Variants in CACNA1C observed in about 807,000 individuals in gnomAD.
CACNA1C encodes the protein voltage-dependent L-type calcium channel subunit alpha-1C.
In CACNA1C, 30 loss-of-function variants were observed where a neutral mutation model predicts 229.0. The observed-to-expected ratio is 0.13, with a 90% confidence interval of 0.10 to 0.18. The LOEUF (loss-of-function observed/expected upper bound fraction) is 0.18. CACNA1C is among the 10% of genes least tolerant of loss of function. The pLI, the probability that CACNA1C is intolerant of heterozygous loss-of-function variation, is 1.00. For missense variants in CACNA1C, 1,658 were observed against 2,845.0 expected, an observed-to-expected ratio of 0.58 and a Z score of 9.49; for synonymous variants, 1,114 against 1,132.5, an observed-to-expected ratio of 0.98 and a Z score of 0.33.
At chr12:2,010,661 C>T (rs973157825) in intron 1 of CACNA1C, among the ~76,000 whole-genome samples, 1 of 152,150 alleles carries the variant, frequency 6.6e-6, no homozygotes, top group Admixed American at 6.5e-5. Context: ...TAGAGGATCT[C>T]TACAATAGCT....
In CACNA1C at chr12:2,665,532, G is replaced by A. The variant is rs765303307; in HGVS notation, c.4399-49G>A. On this transcript the variant is annotated intron_variant, in intron 35 of 46. Coordinates refer to ENST00000399655, the MANE Select transcript of CACNA1C (RefSeq NM_000719.7). The surrounding 1 kb of genome is among the most constrained non-coding windows in gnomAD (Gnocchi z 5.9). ...GCTGGCAAGGGGGTTCCAGAGGCAG[G>A]TGTGTAGGAAGGTCTTCTCACAGCA... 4 of 1,604,558 alleles carry A rather than the reference G, an allele frequency of 2.5e-6. No individual in the cohort carries two copies. The highest frequency in any genetic ancestry group is 2.6e-6 in the Non-Finnish European group (3 of 1,174,592).
chr12:2,160,639 C>T (rs756414201), intron 3 of CACNA1C, among the ~76,000 whole-genome samples: 35 of 152,326 alleles, frequency 2.3e-4, no homozygotes, highest in South Asian at 4.1e-4. Flanking sequence ...GGAGCTCCCA[C>T]ATGCTGGGAT....
chr12:2,199,862 C>T lies in CACNA1C; in HGVS notation c.477+79432C>T, dbSNP rs764221070. ...ATATCACTGCACTCAGTCTGGGCAA[C>T]AGAGTGAGGCCCTGGCTCAAAAATA... On this transcript the variant is annotated intron_variant, in intron 3 of 46. Transcript: ENST00000399655. 5.1e-4 allele frequency among the ~76,000 whole-genome samples: 78 copies of T among 152,248 alleles called. 1 individual carries two copies. Among genetic ancestry groups the T allele is most frequent in the Admixed American group, 4.2e-3 (65 of 15,304 alleles).
chr12:2,191,305 C>T (rs1048937103), intron 3 of CACNA1C, among the ~76,000 whole-genome samples: 8 of 152,130 alleles, frequency 5.3e-5, no homozygotes, highest in Non-Finnish European at 1.2e-4. Flanking sequence ...TCACCAGCAG[C>T]GTGGCTCTGG....
At chr12:2,153,849 T>C (rs570711244) in intron 3 of CACNA1C, among the ~76,000 whole-genome samples, 1 of 152,314 alleles carries the variant, frequency 6.6e-6, no homozygotes, top group Admixed American at 6.5e-5. Context: ...GGAAGGTACT[T>C]GGCAAAATCT....
At chr12:2,004,449 C>A in intron 1 of CACNA1C, 1 of 1,599,262 alleles carries the variant, frequency 6.3e-7, no homozygotes, top group Non-Finnish European at 8.5e-7. Context: ...CCCTCCCAGA[C>A]ATAGGCACGG....
At chr12:2,549,271 C>T (rs1053049157) in intron 9 of CACNA1C, among the ~76,000 whole-genome samples, 2 of 152,100 alleles carry the variant, frequency 1.3e-5, no homozygotes. Context: ...GTCTTCTGAC[C>T]ACAATTAAAC....
chr12:2,448,561 G>A (rs1196267261), intron 3 of CACNA1C, among the ~76,000 whole-genome samples: 3 of 152,086 alleles, frequency 2.0e-5, no homozygotes, highest in African/African-American at 4.8e-5. Context: ...CTGCAGAATC[G>A]GAGCGCGGTT....
At chr12:2,516,824 C>T (rs1464441879) in intron 9 of CACNA1C, among the ~76,000 whole-genome samples, 1 of 152,118 alleles carries the variant, frequency 6.6e-6, no homozygotes, top group African/African-American at 2.4e-5. Flanking sequence ...ATGAACCTCT[C>T]CAGGAGAGAG....
intron 34 of CACNA1C, among the ~76,000 whole-genome samples, chr12:2,663,899 G>A (rs1305046154): frequency 9.2e-5 from 14 of 152,028 alleles, no homozygotes; most frequent in Non-Finnish European, 1.8e-4. Context: ...CCACCACCGC[G>A]CCCGGCTAAT....
chr12:2,540,397 G>T (rs1314501910), intron 9 of CACNA1C, among the ~76,000 whole-genome samples: 2 of 152,176 alleles, frequency 1.3e-5, no homozygotes, highest in East Asian at 3.8e-4. Context: ...GTGGGCAGGA[G>T]GGTGGTCCTG....
chr12:2,623,152 G>T (rs1194361201), intron 29 of CACNA1C, among the ~76,000 whole-genome samples: 1 of 152,202 alleles, frequency 6.6e-6, no homozygotes, highest in Non-Finnish European at 1.5e-5. Context: ...AAAAAAAGTG[G>T]CAGTCTAGTG....
intron 13 of CACNA1C, among the ~76,000 whole-genome samples, chr12:2,568,541 T>C (rs2052539673): frequency 6.6e-6 from 1 of 152,202 alleles, no homozygotes; most frequent in South Asian, 2.1e-4. Flanking sequence ...GATGAATGTA[T>C]TTTTAAAATG....
intron 13 of CACNA1C, among the ~76,000 whole-genome samples, chr12:2,576,759 G>A (rs960332701): frequency 8.6e-5 from 13 of 151,504 alleles, no homozygotes; most frequent in East Asian, 7.8e-4. Context: ...GTGGTTTCAC[G>A]TCACCCTACC....
At chr12:2,501,023 G>A (rs1055048786) in intron 7 of CACNA1C, among the ~76,000 whole-genome samples, 10 of 150,748 alleles carry the variant, frequency 6.6e-5, no homozygotes, top group East Asian at 5.9e-4. Context: ...TGGCTAACAC[G>A]GTGAAACCCC....
chr12:2,222,911 G>T (rs2061847966), intron 3 of CACNA1C, among the ~76,000 whole-genome samples: 2 of 152,214 alleles, frequency 1.3e-5, no homozygotes, highest in African/African-American at 4.8e-5. Flanking sequence ...GAGTTGAGCA[G>T]AGGGAGGTGC....
At position 2,512,649 on chromosome 12, in the gene CACNA1C, A is replaced by G. The variant is rs2099787314; in HGVS notation, c.1218-163A>G. ...AGACCTAACCTAGGCTGACTAGCGGAGCTGTCTGTGGAAAGTAGGGGCGTG... is the reference window on the plus strand; with the variant it reads ...AGACCTAACCTAGGCTGACTAGCGGGGCTGTCTGTGGAAAGTAGGGGCGTG... On this transcript the variant is annotated intron_variant, in intron 8 of 46. Coordinates refer to ENST00000399655, the MANE Select transcript of CACNA1C (RefSeq NM_000719.7). This position sits in a 1 kb window ranked among gnomAD's most constrained non-coding sequence, Gnocchi z 4.3. 6.6e-6 allele frequency among the ~76,000 whole-genome samples: 1 copy of G among 151,994 alleles called. No individual in the cohort carries two copies. Among genetic ancestry groups the G allele is most frequent in the South Asian group, 2.1e-4 (1 of 4,810 alleles).
chr12:2,566,578 C>T lies in CACNA1C; in HGVS notation c.1665C>T (p.Val555=). The part of the protein sequence containing the change: ...HYNQPNWLTE[V]QDTANKALLA... The stretch of plus-strand genomic sequence containing the variant: ...ACCAGCCCAACTGGCTCACAGAAGT[C>T]CAAGGTGAGCGGCGGCCCCAGCTCT... Residue 555 remains valine (V), a synonymous_variant, in exon 12 of 47, where the codon GTC becomes GTT. Coordinates refer to ENST00000399655, the MANE Select transcript of CACNA1C (RefSeq NM_000719.7). This position sits in a 1 kb window ranked among gnomAD's most constrained non-coding sequence, Gnocchi z 4.0. 6.3e-7 allele frequency: 1 copy of T among 1,595,070 alleles called. No individual in the cohort carries two copies. Among genetic ancestry groups the T allele is most frequent in the Non-Finnish European group, 8.5e-7 (1 of 1,171,178 alleles).
At chr12:2,112,726 A>G (rs2082255415) in intron 1 of CACNA1C, among the ~76,000 whole-genome samples, 1 of 152,144 alleles carries the variant, frequency 6.6e-6, no homozygotes, top group Admixed American at 6.5e-5. Flanking sequence ...CAGGGGTGGT[A>G]GCTATGTGGC....
Sources: gnomAD v4.1 joint callset for allele counts (sites outside exome capture counted in the v4.1 genomes callset) on GRCh38, gnomAD v4.1.1 for gene constraint, Gnocchi (gnomAD v3.1) non-coding constraint, MANE v1.5 for transcripts, NCBI Gene and HGNC (gene_info 2026-07-23, HGNC 2026-07-21) for gene names.